Variants in SYNDIG1 observed in about 807,000 individuals in gnomAD.
The protein encoded by SYNDIG1 is synapse differentiation-inducing gene protein 1.
In SYNDIG1, 9 loss-of-function variants were observed where a neutral mutation model predicts 19.4. The ratio of observed to expected loss-of-function variants is 0.46; its 90% CI spans 0.28 to 0.81. SYNDIG1 has a LOEUF of 0.81. Ranked by LOEUF, SYNDIG1 falls within the 30% of genes least tolerant of loss-of-function variation. SYNDIG1 has a pLI of 0.12. For synonymous variants in SYNDIG1, 141 were observed against 145.9 expected (o/e 0.97, Z 0.24); for missense variants, 311 against 343.3 (o/e 0.91, Z 0.74).
At chr20:24,609,765 G>A (rs759004617) in intron 3 of SYNDIG1, among the ~76,000 whole-genome samples, 1 of 152,048 alleles carries the variant, frequency 6.6e-6, no homozygotes, top group African/African-American at 2.4e-5. Context: ...ATGGTTTGGG[G>A]CCACCTTAAC....
intron 1 of SYNDIG1, among the ~76,000 whole-genome samples, chr20:24,516,086 G>C (rs1450975760): frequency 1.3e-5 from 2 of 152,156 alleles, no homozygotes; most frequent in Non-Finnish European, 1.5e-5. Context: ...CAAGAAATGG[G>C]GAAAGGATTC....
intron 3 of SYNDIG1, among the ~76,000 whole-genome samples, chr20:24,598,475 C>A (rs1431050549): frequency 2.6e-5 from 4 of 152,170 alleles, no homozygotes; most frequent in Non-Finnish European, 4.4e-5. Flanking sequence ...TAGGAAAATT[C>A]TATTGTACCC....
chr20:24,540,439 G>C (rs1441168774), intron 1 of SYNDIG1, among the ~76,000 whole-genome samples: 2 of 152,032 alleles, frequency 1.3e-5, no homozygotes, highest in African/African-American at 4.8e-5. Context: ...GGGAAAAGTG[G>C]GCATCTTTGC....
chr20:24,503,862 C>G (rs79265274), intron 1 of SYNDIG1, among the ~76,000 whole-genome samples: 1 of 151,848 alleles, frequency 6.6e-6, no homozygotes, highest in Admixed American at 6.6e-5. Context: ...CTGCAGGGTG[C>G]GTACTCGGGC....
intron 2 of SYNDIG1, among the ~76,000 whole-genome samples, chr20:24,565,202 C>T (rs1030105417): frequency 3.9e-5 from 6 of 152,134 alleles, no homozygotes; most frequent in African/African-American, 7.2e-5. Flanking sequence ...TGAGAACCAC[C>T]GGGGATATAG....
chr20:24,636,891 A>T (rs992024656), intron 3 of SYNDIG1, among the ~76,000 whole-genome samples: 2 of 152,238 alleles, frequency 1.3e-5, no homozygotes, highest in Non-Finnish European at 1.5e-5. Context: ...TTATTATAAG[A>T]TAAAATCTAT....
intron 3 of SYNDIG1, among the ~76,000 whole-genome samples, chr20:24,614,340 T>C (rs952898895): frequency 1.3e-5 from 2 of 152,372 alleles, no homozygotes; most frequent in Non-Finnish European, 1.5e-5. Flanking sequence ...TTAGACTTTT[T>C]AGTATTCATG....
At position 24,612,166 on chromosome 20, in the gene SYNDIG1, A is replaced by C. The variant is rs376606360; in HGVS notation, c.618+27173A>C. On this transcript the variant is annotated intron_variant, in intron 3 of 3. Coordinates refer to ENST00000376862, the MANE Select transcript of SYNDIG1 (RefSeq NM_024893.3). ...ATGAGAAAGGCTGATTCTTTCTACA[A>C]ATTCTTCATTAATTCTCATCACCAC... 3.3e-4 allele frequency among the ~76,000 whole-genome samples: 50 copies of C among 152,310 alleles called. No homozygotes were observed. The East Asian group carries it at 4.2e-3, about 13-fold the overall frequency.
At position 24,665,535 on chromosome 20, in the gene SYNDIG1, G is replaced by C; in HGVS notation, c.*31G>C. ...CTGCGAATGGAGGGGGAGCACCCGG[G>C]GCCAGGTCTGTGTGGACGTGGAGGA... On this transcript the variant is annotated 3_prime_UTR_variant, in exon 4 of 4. Transcript: ENST00000376862. 6.2e-7 allele frequency: 1 copy of C among 1,613,396 alleles called. No individual in the cohort carries two copies. Among genetic ancestry groups the C allele is most frequent in the Non-Finnish European group, 8.5e-7 (1 of 1,179,806 alleles).
intron 1 of SYNDIG1, among the ~76,000 whole-genome samples, chr20:24,487,364 G>C (rs537975530): frequency 6.6e-6 from 1 of 152,282 alleles, no homozygotes; most frequent in East Asian, 1.9e-4. Context: ...GTTTACTGAG[G>C]TGATGAGTGT....
Position 24,665,830 on chromosome 20 carries a change from C to T in SYNDIG1, c.*326C>T. 1 of 365,270 alleles carries T rather than the reference C, an allele frequency of 2.7e-6. No individual in the cohort carries two copies. The highest frequency in any genetic ancestry group is 4.9e-6 in the Non-Finnish European group (1 of 204,426). 22.6% of individuals were successfully genotyped at this position (365,270 alleles called of 1,614,324 possible). The stretch of plus-strand genomic sequence containing the variant: ...CCTGCCAGTGCCCAGAGTGCCACCG[C>T]ATTAGCAATATACAAACAGTCCAAA... On this transcript the variant is annotated 3_prime_UTR_variant, in exon 4 of 4. Transcript: ENST00000376862.
intron 1 of SYNDIG1, among the ~76,000 whole-genome samples, chr20:24,492,016 T>C (rs1246768844): frequency 6.6e-6 from 1 of 152,200 alleles, no homozygotes; most frequent in Non-Finnish European, 1.5e-5. Flanking sequence ...GCCTGTGCCC[T>C]AGGCAGAGCC....
At chr20:24,494,047 C>G (rs1024175535) in intron 1 of SYNDIG1, among the ~76,000 whole-genome samples, 1 of 152,178 alleles carries the variant, frequency 6.6e-6, no homozygotes, top group African/African-American at 2.4e-5. Context: ...ATCCCGGCCA[C>G]ACCCCTGCTC....
intron 1 of SYNDIG1, among the ~76,000 whole-genome samples, chr20:24,526,547 AATG>A (rs879491108): frequency 2.0e-5 from 3 of 152,170 alleles, no homozygotes; most frequent in Admixed American, 6.5e-5. Flanking sequence ...GAATAAATCT[AATG>A]ATTTACATTT....
At chr20:24,524,774 ACTT>A (rs1175028254) in intron 1 of SYNDIG1, among the ~76,000 whole-genome samples, 2 of 152,088 alleles carry the variant, frequency 1.3e-5, no homozygotes, top group African/African-American at 4.8e-5. Flanking sequence ...ATGTGAGTCC[ACTT>A]CTTCATCTAG....
chr20:24,507,855 A>C (rs939757195), intron 1 of SYNDIG1, among the ~76,000 whole-genome samples: 1 of 152,162 alleles, frequency 6.6e-6, no homozygotes, highest in Admixed American at 6.5e-5. Context: ...GGTCCCACTC[A>C]AGGAGCTCAT....
chr20:24,639,056 G>A (rs1343495584), intron 3 of SYNDIG1, among the ~76,000 whole-genome samples: 1 of 152,080 alleles, frequency 6.6e-6, no homozygotes, highest in Non-Finnish European at 1.5e-5. Flanking sequence ...GCAGAGCTGA[G>A]GAGGTGCTGT....
intron 2 of SYNDIG1, among the ~76,000 whole-genome samples, chr20:24,577,585 ACAGAGGG>A (rs2058250552): frequency 6.6e-6 from 1 of 152,208 alleles, no homozygotes; most frequent in Non-Finnish European, 1.5e-5. Context: ...TGTGATGTGG[ACAGAGGG>A]TATCTCGCTC....
intron 2 of SYNDIG1, among the ~76,000 whole-genome samples, chr20:24,558,388 T>A (rs566058376): frequency 6.6e-6 from 1 of 152,366 alleles, no homozygotes; most frequent in South Asian, 2.1e-4. Flanking sequence ...TATTATTGTT[T>A]GTGTGATGTA....
Sources: allele counts gnomAD v4.1 joint callset (sites outside exome capture counted in the v4.1 genomes callset), GRCh38; gene constraint gnomAD v4.1.1; transcripts MANE v1.5; gene names NCBI Gene and HGNC (gene_info 2026-07-23, HGNC 2026-07-21).